The following MYCBP2 variants were observed in gnomAD, a reference collection of about 807,000 sequenced individuals.
MYCBP2 encodes the protein MYC binding protein 2.
A neutral mutation model predicts 525.3 loss-of-function variants in MYCBP2; 120 were observed. That is an observed-to-expected ratio of 0.23 (90% confidence interval 0.20 to 0.27). The LOEUF (loss-of-function observed/expected upper bound fraction) is 0.27, where lower values mean the gene tolerates loss of function less well. Among genes scored for constraint, MYCBP2 ranks in the 10% least tolerant of loss-of-function variants. MYCBP2 has a pLI of 1.00. For missense variants in MYCBP2, 4,149 were observed against 5,657.1 expected, an observed-to-expected ratio of 0.73 and a Z score of 8.55; for synonymous variants, 1,894 against 1,955.8, an observed-to-expected ratio of 0.97 and a Z score of 0.83.
chr13:77,267,717 AT>A, intron 8 of MYCBP2, 123 bp downstream of exon 8: 1 of 739,624 alleles, frequency 1.4e-6, no homozygotes, highest in East Asian at 2.6e-5. Flanking sequence ...GTATGTCAAG[AT>A]TTTTAAAACC....
chr13:77,184,700 T>C (rs1415142565), intron 32 of MYCBP2, among the ~76,000 whole-genome samples: 2 of 152,180 alleles, frequency 1.3e-5, no homozygotes, highest in African/African-American at 4.8e-5. Flanking sequence ...TTTACAAAGG[T>C]TGTGGCTTCC....
At chr13:77,272,185 T>A (rs2074993335) in intron 5 of MYCBP2, 1 of 152,228 alleles carries the variant, frequency 6.6e-6, no homozygotes, top group East Asian at 1.9e-4. Context: ...TATACTAAAC[T>A]TCTTTCAGCT....
At chr13:77,090,336 C>T (rs1594434615) in intron 59 of MYCBP2, 73 bp from the exon 60 acceptor site, 1 of 1,239,572 alleles carries the variant, frequency 8.1e-7, no homozygotes, top group South Asian at 1.9e-5. Flanking sequence ...TATAATGATG[C>T]AAAATATGTG....
intron 1 of MYCBP2, among the ~76,000 whole-genome samples, chr13:77,301,489 G>A (rs1210574922): frequency 7.0e-6 from 1 of 143,414 alleles, no homozygotes; most frequent in Non-Finnish European, 1.5e-5. Context: ...TCCGTAAGAA[G>A]ACAGAATCCT....
intron 4 of MYCBP2, 26 bp from the exon 5 acceptor site, chr13:77,273,694 T>C (rs374827981): frequency 2.1e-4 from 307 of 1,435,598 alleles, no homozygotes; most frequent in Admixed American, 1.1e-3. Context: ...AATTCAATTA[T>C]ATTCATCCAA....
chr13:77,270,363 A>G lies in MYCBP2; in HGVS notation c.1121T>C (p.Phe374Ser). 2 of 1,613,676 alleles carry G rather than the reference A, an allele frequency of 1.2e-6. No homozygotes were observed. Among genetic ancestry groups the G allele is most frequent in the East Asian group, 4.5e-5 (2 of 44,792 alleles). Residue 374 changes from phenylalanine (F) to serine (S), a missense_variant, in exon 6 of 83, where the codon TTT becomes TCT. Physicochemically the swap from Phe to Ser is radical, Grantham distance 155. Around this residue, in one of 21 missense-constraint regions of MYCBP2, gnomAD observed 262 missense variants for 419.3 expected, o/e 0.62. Transcript: ENST00000544440. Reference sequence around the variant, plus strand: ...ATCCTTGCATAATAGATAAAGAAAAAATCCATCATTCTGAAGTAGACATTG... The same window carrying G: ...ATCCTTGCATAATAGATAAAGAAAAGATCCATCATTCTGAAGTAGACATTG... ...DDQCLLQNDG[F>S]FLYLLCKDGL...
intron 33 of MYCBP2, among the ~76,000 whole-genome samples, chr13:77,180,834 C>T (rs554559022): frequency 1.1e-3 from 174 of 152,204 alleles, no homozygotes; most frequent in African/African-American, 3.7e-3. Context: ...GTGGGAAGAT[C>T]GTTTGAGTCC....
intron 7 of MYCBP2, 87 bp from the exon 8 acceptor site, chr13:77,268,024 T>C (rs772922596): frequency 2.1e-4 from 154 of 745,884 alleles, no homozygotes; most frequent in Non-Finnish European, 3.2e-4. Flanking sequence ...TTACAGGTTT[T>C]TGAGGTACAA....
chr13:77,202,165 G>T lies in MYCBP2; in HGVS notation c.3843+3091C>A, dbSNP rs534024025. On this transcript the variant is annotated intron_variant, in intron 26 of 82. Transcript: ENST00000544440. ...CTAACAAGACTAATAAAGAAAAAAAGAGAGAAGAATCAAATAGACGCAATA... is the reference window on the plus strand; with the variant it reads ...CTAACAAGACTAATAAAGAAAAAAATAGAGAAGAATCAAATAGACGCAATA... Among the ~76,000 whole-genome samples the T allele has an allele frequency of 3.3e-5, 5 of 152,300 alleles. No homozygotes were observed. The East Asian group carries it at 9.7e-4, about 29-fold the overall frequency.
At chr13:77,202,399 T>C (rs1218422392) in intron 26 of MYCBP2, among the ~76,000 whole-genome samples, 1 of 152,162 alleles carries the variant, frequency 6.6e-6, no homozygotes, top group Non-Finnish European at 1.5e-5. Context: ...GTGGCAATAA[T>C]CAACAGCTTA....
chr13:77,198,638 G>A (rs2062026965), intron 26 of MYCBP2, among the ~76,000 whole-genome samples: 1 of 152,160 alleles, frequency 6.6e-6, no homozygotes, highest in Admixed American at 6.5e-5. Flanking sequence ...CATATACTTT[G>A]TTTAGGATAA....
intron 13 of MYCBP2, among the ~76,000 whole-genome samples, chr13:77,259,053 G>C (rs552020398): frequency 2.0e-4 from 30 of 152,150 alleles, no homozygotes; most frequent in Admixed American, 1.9e-3. Context: ...TCAGGAGTTC[G>C]AGACCAGCCT....
intron 82 of MYCBP2, among the ~76,000 whole-genome samples, chr13:77,048,706 A>AGAT (rs1170324741): frequency 1.3e-5 from 2 of 152,224 alleles, no homozygotes; most frequent in African/African-American, 4.8e-5. Flanking sequence ...TGGAGCAAAT[A>AGAT]TGTGTGAAAA....
At chr13:77,206,590 A>T in intron 24 of MYCBP2, 63 bp downstream of exon 24, 1 of 1,301,994 alleles carries the variant, frequency 7.7e-7, no homozygotes, top group East Asian at 2.5e-5. Context: ...TAAATACTCT[A>T]AAAAAAAACC....
intron 65 of MYCBP2, 94 bp from the exon 66 acceptor site, chr13:77,078,983 T>C: frequency 1.0e-6 from 1 of 995,626 alleles, no homozygotes; most frequent in Non-Finnish European, 1.6e-6. Flanking sequence ...CATCAACTCT[T>C]CTGCCTGTCT....
Position 77,168,574 on chromosome 13 carries a change from G to T in MYCBP2, c.5968C>A (p.Pro1990Thr). Residue 1990 changes from proline to threonine, a missense_variant, in exon 40 of 83, where the codon CCG (proline) becomes ACG (threonine). Physicochemically the swap from Pro to Thr is conservative, Grantham distance 38. Around this residue, in one of 21 missense-constraint regions of MYCBP2, gnomAD observed 692 missense variants for 852.7 expected, o/e 0.81. Coordinates refer to ENST00000544440, the MANE Select transcript of MYCBP2 (RefSeq NM_015057.5). ...SVAILNQKYA[P>T]PAFNPNQSTD... ...GACTGATTAGGGTTGAAGGCAGGCG[G>T]TGCATACTTCTGATTCAAAATGGCA... 2 of 1,614,186 alleles carry T rather than the reference G, an allele frequency of 1.2e-6. No individual in the cohort carries two copies. Among genetic ancestry groups the T allele is most frequent in the South Asian group, 2.2e-5 (2 of 91,080 alleles).
At chr13:77,312,578 A>G (rs1459629134) in intron 1 of MYCBP2, among the ~76,000 whole-genome samples, 2 of 152,054 alleles carry the variant, frequency 1.3e-5, no homozygotes, top group African/African-American at 4.8e-5. Flanking sequence ...GGCATAAAAA[A>G]AGTAAATACA....
intron 73 of MYCBP2, among the ~76,000 whole-genome samples, chr13:77,063,458 C>G (rs929065151): frequency 6.7e-6 from 1 of 148,902 alleles, no homozygotes; most frequent in Admixed American, 6.8e-5. Context: ...ACTTGGGAGG[C>G]TGAGACAGGA....
At position 77,156,193 on chromosome 13, in the gene MYCBP2, C is replaced by T; in HGVS notation, c.6780G>A (p.Gln2260=). The T allele has an allele frequency of 6.2e-7, 1 of 1,613,226 alleles. No homozygotes were observed. The highest frequency in any genetic ancestry group is 8.5e-7 in the Non-Finnish European group (1 of 1,179,466). ...SSGGRLARWL[Q]PDSYADPQKT... is the part of the protein sequence containing the mutation. ...TCTGAGGATCCGCATATGAATCTGG[C>T]TGAAGCCACCTAACAGTAATGAAAA... Residue 2260 remains glutamine, a synonymous_variant, in exon 46 of 83, where the codon CAG becomes CAA. Transcript: ENST00000544440.
Sources: allele counts gnomAD v4.1 joint callset (sites outside exome capture counted in the v4.1 genomes callset), GRCh38; gene constraint gnomAD v4.1.1; regional missense constraint gnomAD v4.1.1; transcripts MANE v1.5; gene names NCBI Gene and HGNC (gene_info 2026-07-23, HGNC 2026-07-21).